Variants in BBOF1 observed in about 807,000 individuals in gnomAD.
BBOF1 encodes basal body orientation factor 1.
In BBOF1, 62 loss-of-function variants were observed where a neutral mutation model predicts 68.0. That is an observed-to-expected ratio of 0.91 (90% CI 0.74 to 1.13). BBOF1 has a LOEUF of 1.13. Ranked by LOEUF, BBOF1 falls within the 50% of genes most tolerant of loss-of-function variation. The pLI is 0.00. For synonymous variants in BBOF1, 208 were observed against 198.8 expected (o/e 1.05, Z -0.39); for missense variants, 534 against 600.1 (o/e 0.89, Z 1.15).
At chr14:74,063,810 G>C (rs1194111521) in intron 11 of BBOF1, among the ~76,000 whole-genome samples, 1 of 149,908 alleles carries the variant, frequency 6.7e-6, no homozygotes, top group Non-Finnish European at 1.5e-5. Flanking sequence ...AGGTTGCAGT[G>C]AGCCAAGATT....
chr14:74,069,646 G>T (rs57257247), downstream of BBOF1, among the ~76,000 whole-genome samples: 28,073 of 151,526 alleles, frequency 0.19, 2,807 homozygotes, highest in South Asian at 0.43. Context: ...CCAGCTACTT[G>T]GGAGTCTGAG....
chr14:74,026,541 A>G (rs898527037), intron 2 of BBOF1, among the ~76,000 whole-genome samples: 2 of 151,684 alleles, frequency 1.3e-5, no homozygotes, highest in African/African-American at 2.4e-5. Flanking sequence ...AGGGGCTTCC[A>G]TTGGCCAAAT....
intron 8 of BBOF1, 28 bp from the exon 9 acceptor site, chr14:74,055,556 C>G (rs764161769): frequency 6.7e-7 from 1 of 1,496,162 alleles, no homozygotes; most frequent in Non-Finnish European, 9.3e-7. Context: ...TTTTCCTTTT[C>G]ACATTTTTTT....
chr14:74,075,690 T>C (rs1435488565), intron 9 of BBOF1, among the ~76,000 whole-genome samples: 1 of 151,898 alleles, frequency 6.6e-6, no homozygotes, highest in Non-Finnish European at 1.5e-5. Context: ...TAAATATAAG[T>C]AATAGAGTAT....
At chr14:74,040,791 G>A (rs1191941609) in intron 5 of BBOF1, 146 bp downstream of exon 5, 3 of 553,246 alleles carry the variant, frequency 5.4e-6, no homozygotes, top group Non-Finnish European at 9.5e-6. Flanking sequence ...TACAATGAGG[G>A]AAAATAAAAC....
In BBOF1 at chr14:74,056,978, T is replaced by C. The variant is rs368910865; in HGVS notation, c.1461T>C (p.Phe487=). The change falls in exon 10 of 12, where the codon TTT becomes TTC. Residue 487 remains phenylalanine, a splice_region_variant and synonymous_variant. Coordinates refer to ENST00000394009, the MANE Select transcript of BBOF1 (RefSeq NM_025057.3). ...VVSDSGETKE[F]GDESKLQDKI... ...CTGACAGTGGGGAAACAAAGGAATT[T>C]GGGTAAGAGCTCTCTTGCTTAAGTA... 4 of 1,612,980 alleles carry C rather than the reference T, an allele frequency of 2.5e-6. No homozygotes were observed. Among genetic ancestry groups the C allele is most frequent in the African/African-American group, 1.3e-5 (1 of 74,860 alleles).
At chr14:74,048,178 C>T (rs1207754252) in intron 7 of BBOF1, 104 bp downstream of exon 7, 5 of 1,053,244 alleles carry the variant, frequency 4.7e-6, no homozygotes, top group Non-Finnish European at 6.8e-6. Context: ...GACAATGAGA[C>T]CATTTTCATC....
intron 3 of BBOF1, among the ~76,000 whole-genome samples, chr14:74,032,200 G>C (rs1485658081): frequency 5.0e-5 from 7 of 140,522 alleles, no homozygotes; most frequent in African/African-American, 5.4e-5. Context: ...GATCTCGGCT[G>C]ACTGCAACTT....
At chr14:74,081,869 G>A (rs563187727) in intron 12 of BBOF1, among the ~76,000 whole-genome samples, 69 of 152,212 alleles carry the variant, frequency 4.5e-4, no homozygotes, top group Admixed American at 1.4e-3. Context: ...TTACTAGTTC[G>A]GTAACCATAT....
rs139497910 is a variant in BBOF1, at chr14:74,025,845, G to A, written c.285+2701G>A. 2.6e-5 allele frequency among the ~76,000 whole-genome samples: 4 copies of A among 152,258 alleles called. No homozygotes were observed. The East Asian group carries it at 5.8e-4, about 22-fold the overall frequency. On this transcript the variant is annotated intron_variant, in intron 2 of 11. Transcript: ENST00000394009. ...AACAGGGAATATAAAACATGAGGCTGGGCTGTTCATGGTGGCCCATGCCTG... is the reference window on the plus strand; with the variant it reads ...AACAGGGAATATAAAACATGAGGCTAGGCTGTTCATGGTGGCCCATGCCTG...
At chr14:74,053,074 A>G (rs1296527683) in intron 8 of BBOF1, among the ~76,000 whole-genome samples, 1 of 152,048 alleles carries the variant, frequency 6.6e-6, no homozygotes, top group Non-Finnish European at 1.5e-5. Context: ...AAAATGAAGT[A>G]TATGGTAATC....
intron 3 of BBOF1, among the ~76,000 whole-genome samples, chr14:74,032,774 G>A (rs1404441832): frequency 2.6e-5 from 4 of 152,168 alleles, no homozygotes; most frequent in Non-Finnish European, 5.9e-5. Context: ...TTACAGGTGT[G>A]AGCCACCACG....
downstream of BBOF1, chr14:74,066,578 T>C (rs2060469763): frequency 2.0e-6 from 2 of 998,480 alleles, no homozygotes; most frequent in Non-Finnish European, 1.5e-6. Context: ...GATAAAATAA[T>C]TGATCAATCC....
At chr14:74,034,226 T>TA in intron 4 of BBOF1, 55 bp downstream of exon 4, 1 of 1,195,832 alleles carries the variant, frequency 8.4e-7, no homozygotes, top group Non-Finnish European at 1.1e-6. Context: ...ATTTAATGCC[T>TA]ACAGAAGCCT....
At chr14:74,043,890 T>C (rs927054662) in intron 5 of BBOF1, among the ~76,000 whole-genome samples, 7 of 152,014 alleles carry the variant, frequency 4.6e-5, no homozygotes, top group African/African-American at 1.7e-4. Flanking sequence ...TTCCTCCAGC[T>C]CTGGATCATT....
intron 1 of BBOF1, among the ~76,000 whole-genome samples, chr14:74,022,199 C>T (rs1002784717): frequency 1.3e-5 from 2 of 151,558 alleles, no homozygotes; most frequent in Non-Finnish European, 2.9e-5. Context: ...ATAGTGGGAC[C>T]CCATCTCTAT....
At chr14:74,036,971 T>G (rs1488772176) in intron 4 of BBOF1, among the ~76,000 whole-genome samples, 1 of 142,742 alleles carries the variant, frequency 7.0e-6, no homozygotes, top group East Asian at 1.9e-4. Flanking sequence ...TTTTTCTTTT[T>G]TCTTTTTTTT....
rs2059987818 is a variant in BBOF1 at position 74,047,961 on chromosome 14, A to G, written c.679A>G (p.Lys227Glu). The G allele has an allele frequency of 1.2e-6, 2 of 1,610,200 alleles. No homozygotes were observed. Among genetic ancestry groups the G allele is most frequent in the Non-Finnish European group, 1.7e-6 (2 of 1,178,824 alleles). Residue 227 changes from lysine to glutamate, a missense_variant, in exon 7 of 12, where the codon AAA becomes GAA. By Grantham distance (56) the Lys-to-Glu change is moderately conservative (BLOSUM62 1). Transcript: ENST00000394009. ...QLNDAGRNVF[K>E]ENDYLQKALA... is the part of the protein sequence containing the mutation. ...GAACGATGCTGGAAGAAATGTTTTT[A>G]AAGAGAATGATTATCTTCAGAAAGC...
chr14:74,037,107 G>C (rs963651881), intron 4 of BBOF1, among the ~76,000 whole-genome samples: 4 of 148,278 alleles, frequency 2.7e-5, no homozygotes, highest in African/African-American at 9.9e-5. Flanking sequence ...TGAGTAGCTG[G>C]GACTATAGGC....
Sources: allele counts gnomAD v4.1 joint callset (sites outside exome capture counted in the v4.1 genomes callset), GRCh38; gene constraint gnomAD v4.1.1; transcripts MANE v1.5; gene names NCBI Gene and HGNC (gene_info 2026-07-23, HGNC 2026-07-21).